The following TPTE2 variants were observed in gnomAD, a reference collection of about 807,000 sequenced individuals.
The protein encoded by TPTE2 is phosphatidylinositol 3,4,5-trisphosphate 3-phosphatase TPTE2.
In TPTE2, 53 loss-of-function variants were observed where a neutral mutation model predicts 78.6. The ratio of observed to expected loss-of-function variants is 0.67; its 90% CI spans 0.54 to 0.85. The LOEUF is 0.85. Ranked by LOEUF, TPTE2 falls within the 40% of genes least tolerant of loss-of-function variation. The pLI is 0.00. For synonymous variants in TPTE2, 175 were observed against 206.2 expected (o/e 0.85, Z 1.30); for missense variants, 461 against 623.0 (o/e 0.74, Z 2.77).
upstream of TPTE2, among the ~76,000 whole-genome samples, chr13:19,540,061 T>C (rs1465813352): frequency 6.6e-6 from 1 of 152,110 alleles, no homozygotes; most frequent in Non-Finnish European, 1.5e-5. Context: ...GGAGAATCAC[T>C]TGAACCCAGG....
intron 1 of TPTE2, among the ~76,000 whole-genome samples, chr13:19,500,742 A>G (rs1382658842): frequency 6.7e-6 from 1 of 149,542 alleles, no homozygotes; most frequent in Non-Finnish European, 1.5e-5. Flanking sequence ...AACTGGCACA[A>G]GACAGGGATG....
intron 18 of TPTE2, 44 bp from the exon 22 acceptor site, chr13:19,425,061 T>G (rs777221662): frequency 1.0e-6 from 1 of 969,680 alleles, no homozygotes; most frequent in African/African-American, 1.7e-5. Flanking sequence ...CACCAGGAAC[T>G]AATCATTCCA....
intron 5 of TPTE2, among the ~76,000 whole-genome samples, chr13:19,474,525 G>A (rs1593380764): frequency 6.6e-6 from 1 of 152,132 alleles, no homozygotes; most frequent in Non-Finnish European, 1.5e-5. Flanking sequence ...CCAAATGAAA[G>A]CATGAGTAAC....
intron 18 of TPTE2, 25 bp from the exon 22 acceptor site, chr13:19,425,042 T>C: frequency 8.3e-7 from 1 of 1,209,876 alleles, no homozygotes; most frequent in Non-Finnish European, 1.2e-6. Flanking sequence ...AATTTCAAAG[T>C]AAAACTGACA....
In TPTE2 at chr13:19,458,507, T is replaced by A. The variant is rs999863842; in HGVS notation, c.741+5949A>T. 4.4e-5 allele frequency: 17 copies of A among 384,614 alleles called. No individual in the cohort carries two copies. In the Admixed American group the frequency reaches 4.9e-4, roughly 11 times the overall value. The allele number at this position is 384,614 out of a possible 1,614,324, so 23.8% of individuals were successfully genotyped here. A position where few individuals can be genotyped will look rare whatever the true frequency, so the allele number is the denominator to read the frequency against. On this transcript the variant is annotated intron_variant, in intron 10 of 19. Coordinates refer to ENST00000400230, the Ensembl canonical transcript of TPTE2. Reference sequence around the variant, plus strand: ...TGTTCCAGGAATGTACTTCCTGGGATTCTCAAAATACTCTATCAGTGTTTC... The same window carrying A: ...TGTTCCAGGAATGTACTTCCTGGGAATCTCAAAATACTCTATCAGTGTTTC...
intron 3 of TPTE2, among the ~76,000 whole-genome samples, chr13:19,488,836 C>A (rs1430639211): frequency 6.6e-6 from 1 of 152,148 alleles, no homozygotes; most frequent in African/African-American, 2.4e-5. Flanking sequence ...TTTGGCTTTT[C>A]TGTTTTGTTT....
chr13:19,492,108 C>G (rs1257449391), intron 3 of TPTE2, among the ~76,000 whole-genome samples: 5 of 152,166 alleles, frequency 3.3e-5, no homozygotes, highest in Non-Finnish European at 7.3e-5. Flanking sequence ...TTCCGTATTA[C>G]TTACACCTTT....
At chr13:19,453,931 C>T (rs115050718) in intron 10 of TPTE2, among the ~76,000 whole-genome samples, 2 of 152,204 alleles carry the variant, frequency 1.3e-5, no homozygotes, top group Admixed American at 6.5e-5. Flanking sequence ...GCTGTCTCCT[C>T]TTAGAAAGCC....
chr13:19,511,850 C>T (rs184456286), intron 1 of TPTE2, among the ~76,000 whole-genome samples: 3,861 of 145,004 alleles, frequency 0.027, 130 homozygotes, highest in African/African-American at 0.081. Flanking sequence ...ACAGAAAAAC[C>T]ACTTTTTTTA....
chr13:19,468,021 ATCTCTT>A (rs1879382627), intron 6 of TPTE2, among the ~76,000 whole-genome samples: 2 of 117,342 alleles, frequency 1.7e-5, no homozygotes, highest in Non-Finnish European at 3.4e-5. Flanking sequence ...AAATGACAGG[ATCTCTT>A]TTTTTTTTTT....
intron 1 of TPTE2, among the ~76,000 whole-genome samples, chr13:19,518,848 T>C (rs2137714343): frequency 6.6e-6 from 1 of 152,292 alleles, no homozygotes; most frequent in South Asian, 2.1e-4. Context: ...GGGAAACCAC[T>C]TCCTCAAAAA....
At chr13:19,559,514 C>A in the TPTE2 span, among the ~76,000 whole-genome samples, 2 of 149,136 alleles carry the variant, frequency 1.3e-5, no homozygotes, top group South Asian at 2.2e-4. Context: ...GGGGCTGGAG[C>A]CTGCTTGGAG....
At chr13:19,560,472 C>T in the TPTE2 span, 9 of 1,599,574 alleles carry the variant, frequency 5.6e-6, no homozygotes, top group African/African-American at 8.0e-5. Flanking sequence ...GGGCCACACC[C>T]GGCACCAGCA....
the TPTE2 span, chr13:19,559,991 C>A: frequency 2.1e-6 from 1 of 477,536 alleles, no homozygotes; most frequent in South Asian, 2.3e-5. Context: ...TGCCAGAACC[C>A]CCACCAGTCC....
intron 10 of TPTE2, among the ~76,000 whole-genome samples, chr13:19,460,049 C>G (rs1878789346): frequency 6.6e-6 from 1 of 152,202 alleles, no homozygotes; most frequent in Non-Finnish European, 1.5e-5. Flanking sequence ...AGCCCACTTC[C>G]CAGAGATACA....
chr13:19,442,358 T>C (rs1426575880), intron 13 of TPTE2, among the ~76,000 whole-genome samples: 3 of 147,168 alleles, frequency 2.0e-5, no homozygotes, highest in Middle Eastern at 3.2e-3. Context: ...AAGCACAAAG[T>C]TGGAACATAG....
intron 10 of TPTE2, among the ~76,000 whole-genome samples, chr13:19,457,020 C>T (rs757781510): frequency 5.9e-5 from 9 of 152,114 alleles, no homozygotes; most frequent in South Asian, 2.1e-4. Context: ...CAGACCTATA[C>T]GTATATGTTC....
chr13:19,523,464 CT>C (rs1827329488), intron 1 of TPTE2, among the ~76,000 whole-genome samples: 1 of 152,022 alleles, frequency 6.6e-6, no homozygotes, highest in Non-Finnish European at 1.5e-5. Context: ...TCCAAATACA[CT>C]TTTATTTTTA....
chr13:19,474,540 G>T (rs1039553021), intron 5 of TPTE2, among the ~76,000 whole-genome samples: 12 of 152,118 alleles, frequency 7.9e-5, no homozygotes, highest in African/African-American at 2.7e-4. Flanking sequence ...AGTAACATAA[G>T]CTCTTAAAAG....
Sources: allele counts gnomAD v4.1 joint callset (sites outside exome capture counted in the v4.1 genomes callset), GRCh38; gene constraint gnomAD v4.1.1; transcripts MANE v1.5; gene names NCBI Gene and HGNC (gene_info 2026-07-23, HGNC 2026-07-21).